NOP9: variants seen among roughly 807,000 people sequenced by gnomAD.
NOP9 encodes nucleolar protein 9.
Under a neutral mutation model 63.0 loss-of-function variants are expected in NOP9, and 50 were observed. The observed-to-expected ratio is 0.79, with a 90% CI of 0.63 to 1.00. The LOEUF (loss-of-function observed/expected upper bound fraction) is 1.00, where lower values mean the gene tolerates loss of function less well. Among genes scored for constraint, NOP9 ranks in the 50% least tolerant of loss-of-function variants. NOP9 has a pLI of 0.00. For missense variants in NOP9, 758 were observed against 803.0 expected (o/e 0.94, Z 0.68); for synonymous variants, 343 against 332.8 (o/e 1.03, Z -0.33).
In NOP9 at chr14:24,300,556, C is replaced by T; in HGVS notation, c.396C>T (p.Asn132=). 6.2e-7 allele frequency: 1 copy of T among 1,614,238 alleles called. No homozygotes were observed. The highest frequency in any genetic ancestry group is 8.5e-7 in the Non-Finnish European group (1 of 1,180,040). ...GCGTGTGGGCTGCTCTGCGCTCTAA[C>T]TTGCGCACTGTGGCCTGTCACCGAT... is the stretch of plus-strand genomic sequence containing the variant. ...LCRVWAALRS[N]LRTVACHRCG... is the part of the protein sequence containing the mutation. The change falls in exon 2 of 10, where the codon AAC becomes AAT. Residue 132 remains asparagine, a synonymous_variant. Transcript: ENST00000267425.
chr14:24,297,784 T>C (rs1001303626), upstream of NOP9, among the ~76,000 whole-genome samples: 2 of 152,216 alleles, frequency 1.3e-5, no homozygotes, highest in African/African-American at 4.8e-5. Context: ...CCTATGCTTA[T>C]GGAGCTCCCT....
At position 24,307,593 on chromosome 14, in the gene NOP9, G is replaced by C; in HGVS notation, c.*2498G>C. Reference sequence around the variant, plus strand: ...TAAAGGGCATGATGAGGGTAGAGTGGCTAGAGGGCTAGGGAGGGAGAGATC... The same window carrying C: ...TAAAGGGCATGATGAGGGTAGAGTGCCTAGAGGGCTAGGGAGGGAGAGATC... On this transcript the variant is annotated 3_prime_UTR_variant, in exon 10 of 10. Transcript: ENST00000267425. 1 of 1,513,884 alleles carries C rather than the reference G, an allele frequency of 6.6e-7. No homozygotes were observed. The allele number at this position is 1,513,884 out of a possible 1,614,324, so 93.8% of individuals were successfully genotyped here. A position where few individuals can be genotyped will look rare whatever the true frequency, so the allele number is the denominator to read the frequency against.
chr14:24,303,674 A>G, intron 6 of NOP9, 58 bp from the exon 7 acceptor site: 3 of 1,565,254 alleles, frequency 1.9e-6, no homozygotes, highest in Non-Finnish European at 2.6e-6. Flanking sequence ...GTTCCCTTAA[A>G]GTTGAGGTAA....
the NOP9 span, chr14:24,292,384 C>A: frequency 6.2e-7 from 1 of 1,606,498 alleles, no homozygotes; most frequent in Non-Finnish European, 8.5e-7. Context: ...CACTTTCCTG[C>A]CCTGCCCTCT....
At chr14:24,289,972 T>C in the NOP9 span, among the ~76,000 whole-genome samples, 6 of 152,256 alleles carry the variant, frequency 3.9e-5, no homozygotes, top group African/African-American at 1.4e-4. Context: ...TATGTTTCTC[T>C]GATTTATGGC....
In NOP9 at chr14:24,305,770, A is replaced by G. The variant is rs1173405335; in HGVS notation, c.*675A>G. 4 of 1,613,078 alleles carry G rather than the reference A, an allele frequency of 2.5e-6. No individual in the cohort carries two copies. The highest frequency in any genetic ancestry group is 2.5e-6 in the Non-Finnish European group (3 of 1,179,592). ...GAGGTCCAACGAAGGAGCTCCCTGA[A>G]TGGCAGAGACAAGAGGAAATCAGAT... On this transcript the variant is annotated 3_prime_UTR_variant, in exon 10 of 10. Coordinates refer to ENST00000267425, the MANE Select transcript of NOP9 (RefSeq NM_174913.3).
At position 24,304,964 on chromosome 14, in the gene NOP9, G is replaced by T. The variant is rs773574156; in HGVS notation, c.1780G>T (p.Asp594Tyr). The T allele has an allele frequency of 6.4e-7, 1 of 1,572,250 alleles. No homozygotes were observed. The highest frequency in any genetic ancestry group is 2.3e-5 in the East Asian group (1 of 43,760). Residue 594 changes from aspartate to tyrosine, a missense_variant, in exon 10 of 10, where the codon GAC becomes TAC. By Grantham distance (160) the Asp-to-Tyr change is radical (BLOSUM62 -3). Transcript: ENST00000267425. ...LGEQNQELIR[D>Y]PFGHHVARNV... ...GGAGCAGAACCAGGAGCTGATAAGA[G>T]ACCCTTTCGGCCACCATGTGGCTCG... is the stretch of plus-strand genomic sequence containing the variant.
At chr14:24,285,085 C>A in the NOP9 span, among the ~76,000 whole-genome samples, 1 of 152,220 alleles carries the variant, frequency 6.6e-6, no homozygotes, top group Non-Finnish European at 1.5e-5. Flanking sequence ...AGTCAAAGCT[C>A]ACATTAGTGG....
chr14:24,283,119 C>G, the NOP9 span, among the ~76,000 whole-genome samples: 1 of 152,226 alleles, frequency 6.6e-6, no homozygotes, highest in African/African-American at 2.4e-5. Flanking sequence ...GCCCCAGCCC[C>G]TCTTAAAGTG....
chr14:24,272,464 A>T, the NOP9 span, among the ~76,000 whole-genome samples: 1 of 152,186 alleles, frequency 6.6e-6, no homozygotes, highest in Non-Finnish European at 1.5e-5. Context: ...ACTCGCTTAA[A>T]TACTCTTTCT....
rs762297365 is a variant in NOP9 at position 24,300,043 on chromosome 14, G to T, written c.89G>T (p.Arg30Leu). The change falls in exon 1 of 10, where the codon CGC becomes CTC. Residue 30 changes from arginine to leucine, a missense_variant. By Grantham distance (102) the Arg-to-Leu change is moderately radical (BLOSUM62 -2). Coordinates refer to ENST00000267425, the MANE Select transcript of NOP9 (RefSeq NM_174913.3). ...KRGRGAKGSG[R>L]PLPGRKRQPW... Reference sequence around the variant, plus strand: ...GGGCGCGGGGCCAAGGGGTCGGGGCGCCCCTTACCAGGCCGTAAGCGGCAA... The same window carrying T: ...GGGCGCGGGGCCAAGGGGTCGGGGCTCCCCTTACCAGGCCGTAAGCGGCAA... 2 of 1,609,850 alleles carry T rather than the reference G, an allele frequency of 1.2e-6. No individual in the cohort carries two copies. Among genetic ancestry groups the T allele is most frequent in the South Asian group, 2.2e-5 (2 of 90,964 alleles).
At chr14:24,298,150 A>C (rs2041292780), upstream of NOP9, among the ~76,000 whole-genome samples, 1 of 152,036 alleles carries the variant, frequency 6.6e-6, no homozygotes, top group South Asian at 2.1e-4. Flanking sequence ...GGCTCAAACG[A>C]TCCTCCTGCC....
chr14:24,279,037 G>A, the NOP9 span, among the ~76,000 whole-genome samples: 66 of 152,354 alleles, frequency 4.3e-4, no homozygotes, highest in Non-Finnish European at 8.8e-4. Flanking sequence ...AGTGGATGTA[G>A]ATCCTTTATG....
chr14:24,271,911 C>T, the NOP9 span, among the ~76,000 whole-genome samples: 3 of 152,094 alleles, frequency 2.0e-5, no homozygotes, highest in African/African-American at 7.2e-5. Flanking sequence ...CTGTCATTTT[C>T]TCTAACCTCT....
Position 24,307,767 on chromosome 14 carries a change from C to G in NOP9, c.*2672C>G, listed in dbSNP as rs749837930. The G allele has an allele frequency of 2.5e-5, 38 of 1,543,312 alleles. No individual in the cohort carries two copies. The highest frequency in any genetic ancestry group is 3.2e-5 in the Non-Finnish European group (36 of 1,133,456). Reference sequence around the variant, plus strand: ...TAGGGGCTGAGTGGAGTATTGTTGCCCTGCCTATATCCCCTAAAGGTGGAG... The same window carrying G: ...TAGGGGCTGAGTGGAGTATTGTTGCGCTGCCTATATCCCCTAAAGGTGGAG... On this transcript the variant is annotated 3_prime_UTR_variant, in exon 10 of 10. Coordinates refer to ENST00000267425, the MANE Select transcript of NOP9 (RefSeq NM_174913.3).
chr14:24,292,428 C>A, the NOP9 span: 5 of 1,550,548 alleles, frequency 3.2e-6, no homozygotes, highest in East Asian at 6.9e-5. Flanking sequence ...CCCACCCTGT[C>A]CTTCCCAGGA....
rs750297497 is a variant in NOP9, at chr14:24,306,570, CT to C, written c.*1477del. On this transcript the variant is annotated 3_prime_UTR_variant, in exon 10 of 10. Transcript: ENST00000267425. ...GAAGGGCAGGTCTTATCCCATGCCC[CT>C]TCCCTCTTTAGCTGCCCAACATCCA... 6.2e-7 allele frequency: 1 copy of C among 1,611,844 alleles called. No individual in the cohort carries two copies. The highest frequency in any genetic ancestry group is 1.1e-5 in the South Asian group (1 of 91,002).
chr14:24,286,847 C>T, the NOP9 span, among the ~76,000 whole-genome samples: 1 of 151,810 alleles, frequency 6.6e-6, no homozygotes, highest in Non-Finnish European at 1.5e-5. Flanking sequence ...CCGTCTCGGC[C>T]TCCCAAAGTG....
the NOP9 span, chr14:24,292,073 C>A: frequency 7.4e-7 from 1 of 1,359,708 alleles, no homozygotes; most frequent in African/African-American, 1.4e-5. Context: ...CATGCTCAGC[C>A]CTGCACCTGC....
Sources: allele counts gnomAD v4.1 joint callset (sites outside exome capture counted in the v4.1 genomes callset), GRCh38; gene constraint gnomAD v4.1.1; transcripts MANE v1.5; gene names NCBI Gene and HGNC (gene_info 2026-07-23, HGNC 2026-07-21).